The following ENTPD7 variants were observed in gnomAD, a reference collection of about 807,000 sequenced individuals.
ENTPD7 encodes ectonucleoside triphosphate diphosphohydrolase 7.
In ENTPD7, 53 loss-of-function variants were observed where a neutral mutation model predicts 77.9. The observed-to-expected ratio is 0.68, with a 90% confidence interval of 0.55 to 0.85. The LOEUF (loss-of-function observed/expected upper bound fraction) is 0.85, where lower values mean the gene tolerates loss of function less well. Among genes scored for constraint, ENTPD7 ranks in the 40% least tolerant of loss-of-function variants. The pLI is 0.00. For synonymous variants in ENTPD7, 248 were observed against 274.9 expected, an observed-to-expected ratio of 0.90 and a Z score of 0.97; for missense variants, 636 against 743.7, an observed-to-expected ratio of 0.86 and a Z score of 1.68.
In ENTPD7 at chr10:99,709,065, G is replaced by T; in HGVS notation, c.*4382G>T. ...TATTCTTGTTCCTGTATTTCTTTTC[G>T]TACTTTTAAATTTTATACATCTTTT... On this transcript the variant is annotated 3_prime_UTR_variant, in exon 13 of 13. Transcript: ENST00000370489. 1 of 982,004 alleles carries T rather than the reference G, an allele frequency of 1.0e-6. No homozygotes were observed. Among genetic ancestry groups the T allele is most frequent in the South Asian group, 4.7e-5 (1 of 21,206 alleles). 60.8% of individuals were successfully genotyped at this position (982,004 alleles called of 1,614,324 possible). A position where few individuals can be genotyped will look rare whatever the true frequency, so the allele number is the denominator to read the frequency against.
intron 3 of ENTPD7, among the ~76,000 whole-genome samples, chr10:99,662,412 C>A (rs1008930650): frequency 2.6e-5 from 4 of 152,036 alleles, no homozygotes; most frequent in African/African-American, 9.7e-5. Context: ...AATATTACTC[C>A]TCTTCACATC....
chr10:99,691,663 C>T, intron 8 of ENTPD7, 145 bp downstream of exon 8: 1 of 757,824 alleles, frequency 1.3e-6, no homozygotes, highest in Non-Finnish European at 2.1e-6. Context: ...AGTAGGTTAC[C>T]TCTCTGAGCC....
At chr10:99,680,340 A>G (rs2035737050) in intron 5 of ENTPD7, among the ~76,000 whole-genome samples, 1 of 151,956 alleles carries the variant, frequency 6.6e-6, no homozygotes, top group Admixed American at 6.6e-5. Context: ...CAGTCACATC[A>G]TTTCCACTTG....
intron 3 of ENTPD7, among the ~76,000 whole-genome samples, chr10:99,671,783 C>T (rs1235889674): frequency 6.6e-6 from 1 of 152,146 alleles, no homozygotes; most frequent in African/African-American, 2.4e-5. Flanking sequence ...GAACTATTGT[C>T]TGAAGAATGT....
At chr10:99,688,575 G>A in intron 6 of ENTPD7, 119 bp from the exon 7 acceptor site, 1 of 886,562 alleles carries the variant, frequency 1.1e-6, no homozygotes, top group Non-Finnish European at 1.7e-6. Flanking sequence ...TGAGAGTATG[G>A]AATAAAATAC....
At chr10:99,700,275 G>A (rs1254105181) in intron 10 of ENTPD7, among the ~76,000 whole-genome samples, 1 of 151,916 alleles carries the variant, frequency 6.6e-6, no homozygotes, top group Non-Finnish European at 1.5e-5. Flanking sequence ...TGACTCAAAC[G>A]TTATCTTCCC....
chr10:99,692,975 A>G (rs1423284821), intron 8 of ENTPD7, among the ~76,000 whole-genome samples: 1 of 152,206 alleles, frequency 6.6e-6, no homozygotes, highest in African/African-American at 2.4e-5. Context: ...GTGAGAAGTA[A>G]TAAAGGGCTG....
intron 2 of ENTPD7, 75 bp downstream of exon 2, chr10:99,660,039 T>C: frequency 1.2e-6 from 2 of 1,608,040 alleles, no homozygotes; most frequent in Non-Finnish European, 1.7e-6. Context: ...CCTGGGAGGC[T>C]GTCCCAAGTG....
At chr10:99,676,917 C>G (rs1012880746) in intron 3 of ENTPD7, among the ~76,000 whole-genome samples, 8 of 152,130 alleles carry the variant, frequency 5.3e-5, no homozygotes, top group Admixed American at 5.2e-4. Flanking sequence ...AGCTCAGTTC[C>G]CTGTTCTCTT....
intron 3 of ENTPD7, among the ~76,000 whole-genome samples, chr10:99,674,248 A>T (rs191291941): frequency 6.6e-6 from 1 of 152,294 alleles, no homozygotes; most frequent in Non-Finnish European, 1.5e-5. Context: ...AGGGTCTCTG[A>T]GACACTTTTG....
chr10:99,690,140 CTT>C lies in ENTPD7; in HGVS notation c.710-1242_710-1241del, dbSNP rs553849695. On this transcript the variant is annotated intron_variant, in intron 7 of 12. Transcript: ENST00000370489. Reference sequence around the variant, plus strand: ...ATCCTTTTAATATGACCCCAATACTCTTTTATATTCCCCTTGCTATCTGGTAC... The same window carrying C: ...ATCCTTTTAATATGACCCCAATACTCTTATATTCCCCTTGCTATCTGGTAC... Among the ~76,000 whole-genome samples, 682 of 152,310 alleles carry C rather than the reference CTT, an allele frequency of 4.5e-3. 6 individuals are homozygous for C. The highest frequency in any genetic ancestry group is 0.015 in the African/African-American group (614 of 41,570).
At position 99,703,376 on chromosome 10, in the gene ENTPD7, G is replaced by A. The variant is rs979524722; in HGVS notation, c.1583+703G>A. On this transcript the variant is annotated intron_variant, in intron 12 of 12. Coordinates refer to ENST00000370489, the MANE Select transcript of ENTPD7 (RefSeq NM_020354.5). ...GAGGGAAGTGGGCTAGGTGGGGGTT[G>A]CCCACAACTGGAGCATGTATCCCAG... Among the ~76,000 whole-genome samples the A allele has an allele frequency of 7.9e-5, 12 of 152,240 alleles. No homozygotes were observed. The East Asian group carries it at 2.3e-3, about 29-fold the overall frequency.
At chr10:99,674,706 A>G (rs187807111) in intron 3 of ENTPD7, among the ~76,000 whole-genome samples, 1 of 152,330 alleles carries the variant, frequency 6.6e-6, no homozygotes, top group East Asian at 1.9e-4. Context: ...CTGTTGATGG[A>G]CATTTGGGTC....
rs1055490860 is a variant in ENTPD7 at position 99,710,107 on chromosome 10, G to A, written c.*5424G>A. On this transcript the variant is annotated 3_prime_UTR_variant, in exon 13 of 13. Transcript: ENST00000370489. ...GCTCCTGAGCCTCTTCTTTTAAAGGGCAACCACTTGTATACCCTCTGGTGG... is the reference window on the plus strand; with the variant it reads ...GCTCCTGAGCCTCTTCTTTTAAAGGACAACCACTTGTATACCCTCTGGTGG... 4.1e-6 allele frequency: 4 copies of A among 985,374 alleles called. No homozygotes were observed. The highest frequency in any genetic ancestry group is 3.6e-6 in the Non-Finnish European group (3 of 829,920). 61.0% of individuals were successfully genotyped at this position (985,374 alleles called of 1,614,324 possible).
intron 3 of ENTPD7, among the ~76,000 whole-genome samples, chr10:99,678,498 T>G (rs983286836): frequency 5.3e-5 from 8 of 151,214 alleles, no homozygotes; most frequent in Non-Finnish European, 7.4e-5. Flanking sequence ...AAAAGATATA[T>G]GTATATATAT....
Position 99,704,475 on chromosome 10 carries a change from G to A in ENTPD7, c.1607G>A (p.Arg536Gln), listed in dbSNP as rs745552200. 13 of 1,614,072 alleles carry A rather than the reference G, an allele frequency of 8.1e-6. No individual in the cohort carries two copies. Among genetic ancestry groups the A allele is most frequent in the African/African-American group, 2.7e-5 (2 of 74,934 alleles). Residue 536 changes from arginine to glutamine, a missense_variant, in exon 13 of 13, where the codon CGA becomes CAA. Arg to Gln is a conservative substitution (Grantham distance 43). Around this residue, in one of 3 missense-constraint regions of ENTPD7, gnomAD observed 138 missense variants for 150.9 expected, o/e 0.91. Transcript: ENST00000370489. ...AGGGATCTTCGGCAGGAAGGTGTCC[G>A]ACAAGCCCATGGTAGCTGGTTCCGT... ...PLRDLRQEGV[R>Q]QAHGSWFRLS...
chr10:99,702,402 G>A (rs1449033612), intron 11 of ENTPD7, 110 bp from the exon 12 acceptor site: 10 of 890,810 alleles, frequency 1.1e-5, no homozygotes, highest in Admixed American at 9.4e-5. Context: ...GGTGAAGCGG[G>A]AGGAGGTAGG....
In ENTPD7 at chr10:99,659,990, C is replaced by T; in HGVS notation, c.8+26C>T. 1 of 1,613,766 alleles carries T rather than the reference C, an allele frequency of 6.2e-7. No homozygotes were observed. Among genetic ancestry groups the T allele is most frequent in the Non-Finnish European group, 8.5e-7 (1 of 1,179,912 alleles). The stretch of plus-strand genomic sequence containing the variant: ...GTAAGGCTGCACACTTTCCCTCCGG[C>T]TGGGAGCACGGCAGAGGATGGCAGG... On this transcript the variant is annotated intron_variant, in intron 2 of 12. Coordinates refer to ENST00000370489, the MANE Select transcript of ENTPD7 (RefSeq NM_020354.5). The surrounding 1 kb of genome is among the most constrained non-coding windows in gnomAD (Gnocchi z 4.1).
chr10:99,691,453 G>A lies in ENTPD7; in HGVS notation c.778G>A (p.Gly260Arg). 1 of 1,614,068 alleles carries A rather than the reference G, an allele frequency of 6.2e-7. No homozygotes were observed. Among genetic ancestry groups the A allele is most frequent in the Non-Finnish European group, 8.5e-7 (1 of 1,179,978 alleles). Reference sequence around the variant, plus strand: ...AAGGACAGTAGGGATACTGGATATGGGAGGAGCCTCTCTCCAAATTGCTTA... The same window carrying A: ...AAGGACAGTAGGGATACTGGATATGAGAGGAGCCTCTCTCCAAATTGCTTA... ...RRRTVGILDMGGASLQIAYEV... is the reference protein window; with the variant it reads ...RRRTVGILDMRGASLQIAYEV... Residue 260 changes from glycine (G) to arginine (R), a missense_variant, in exon 8 of 13, where the codon GGA (glycine) becomes AGA (arginine). Gly to Arg is a moderately radical substitution (Grantham distance 125, BLOSUM62 -2). Around this residue, in one of 3 missense-constraint regions of ENTPD7, gnomAD observed 486 missense variants for 556.5 expected, o/e 0.87. Transcript: ENST00000370489.
Sources: allele counts gnomAD v4.1 joint callset (sites outside exome capture counted in the v4.1 genomes callset), GRCh38; gene constraint gnomAD v4.1.1; regional missense constraint gnomAD v4.1.1; non-coding constraint Gnocchi (gnomAD v3.1); transcripts MANE v1.5; gene names NCBI Gene and HGNC (gene_info 2026-07-23, HGNC 2026-07-21).